Variants in TRIM33 observed in about 807,000 individuals in gnomAD.
The protein encoded by TRIM33 is E3 ubiquitin-protein ligase TRIM33.
In TRIM33, 20 loss-of-function variants were observed where a neutral mutation model predicts 125.4. The ratio of observed to expected loss-of-function variants is 0.16; its 90% CI spans 0.11 to 0.23. The LOEUF (loss-of-function observed/expected upper bound fraction) is 0.23, where lower values mean the gene tolerates loss of function less well. Among genes scored for constraint, TRIM33 ranks in the 10% least tolerant of loss-of-function variants. The pLI is 1.00. For synonymous variants in TRIM33, 564 were observed against 513.9 expected (o/e 1.10, Z -1.32); for missense variants, 920 against 1,411.4 (o/e 0.65, Z 5.58).
chr1:114,449,247 C>T (rs1433639900), intron 4 of TRIM33, among the ~76,000 whole-genome samples: 1 of 152,010 alleles, frequency 6.6e-6, no homozygotes, highest in Non-Finnish European at 1.5e-5. Context: ...TCACCAGTCA[C>T]GACAGTTGCA....
chr1:114,428,755 A>C (rs1394180428), intron 6 of TRIM33, among the ~76,000 whole-genome samples: 2 of 152,380 alleles, frequency 1.3e-5, no homozygotes, highest in East Asian at 3.9e-4. Context: ...TCTACAAAGT[A>C]TAAGAACATA....
chr1:114,452,632 A>T (rs564781476), intron 4 of TRIM33, among the ~76,000 whole-genome samples: 3 of 151,424 alleles, frequency 2.0e-5, no homozygotes, highest in African/African-American at 7.3e-5. Context: ...GCAGTGGCTT[A>T]TAAGTGTAAT....
Position 114,446,175 on chromosome 1 carries a change from T to G in TRIM33, c.924-12442A>C, listed in dbSNP as rs116058604. ...CCAGCTTAAATTGAGGATTTTCATA[T>G]GACAAGAAGATGAGAGTATTCATTG... On this transcript the variant is annotated intron_variant, in intron 4 of 19. Transcript: ENST00000358465. 3.2e-3 allele frequency among the ~76,000 whole-genome samples: 485 copies of G among 152,288 alleles called. 1 individual carries two copies. Among genetic ancestry groups the G allele is most frequent in the African/African-American group, 0.011 (440 of 41,546 alleles).
At chr1:114,456,411 G>C (rs1649626957) in intron 4 of TRIM33, among the ~76,000 whole-genome samples, 1 of 152,142 alleles carries the variant, frequency 6.6e-6, no homozygotes, top group African/African-American at 2.4e-5. Context: ...ATCCTGTGTG[G>C]CCTATGAAAA....
At chr1:114,443,892 G>A (rs1648814249) in intron 4 of TRIM33, among the ~76,000 whole-genome samples, 1 of 151,830 alleles carries the variant, frequency 6.6e-6, no homozygotes, top group African/African-American at 2.4e-5. Flanking sequence ...ATTAATGTAT[G>A]AAGGTGGAAC....
chr1:114,429,282 G>A (rs1299957321), intron 6 of TRIM33, among the ~76,000 whole-genome samples: 1 of 152,016 alleles, frequency 6.6e-6, no homozygotes, highest in Non-Finnish European at 1.5e-5. Flanking sequence ...CCACCTCCCG[G>A]GTTCAAGCAA....
intron 19 of TRIM33, 23 bp from the exon 20 acceptor site, chr1:114,397,883 T>A (rs1233462451): frequency 6.2e-7 from 1 of 1,613,898 alleles, no homozygotes; most frequent in Non-Finnish European, 8.5e-7. Flanking sequence ...GATAGGAATA[T>A]TCACCTATTG....
intron 4 of TRIM33, among the ~76,000 whole-genome samples, chr1:114,460,899 T>G (rs1386820163): frequency 6.6e-6 from 1 of 152,102 alleles, no homozygotes; most frequent in Non-Finnish European, 1.5e-5. Context: ...ATCTTTAAAT[T>G]GTCGTAATTG....
rs1651608177 is a variant in TRIM33 at position 114,397,588 on chromosome 1, T to TC, written c.*59_*60insG. On this transcript the variant is annotated 3_prime_UTR_variant, in exon 20 of 20. Transcript: ENST00000358465. Reference sequence around the variant, plus strand: ...ACTTAAAAGTTTTCTGGGTTTTTTGTGTTTTTTTTTTTTTTTTCGTTTTTT... The same window carrying TC: ...ACTTAAAAGTTTTCTGGGTTTTTTGTCGTTTTTTTTTTTTTTTTCGTTTTTT... The TC allele has an allele frequency of 9.1e-7, 1 of 1,095,136 alleles. No individual in the cohort carries two copies. The allele number at this position is 1,095,136 out of a possible 1,614,324, so 67.8% of individuals were successfully genotyped here.
At chr1:114,447,052 A>G (rs983569626) in intron 4 of TRIM33, among the ~76,000 whole-genome samples, 3 of 152,224 alleles carry the variant, frequency 2.0e-5, no homozygotes, top group Non-Finnish European at 4.4e-5. Context: ...AGCAGATAAA[A>G]TGCGTGTATA....
At chr1:114,463,319 C>A in intron 3 of TRIM33, 83 bp from the exon 4 acceptor site, 1 of 1,548,206 alleles carries the variant, frequency 6.5e-7, no homozygotes, top group Non-Finnish European at 8.7e-7. Context: ...TGTTGCTATC[C>A]AAAGTTTATA....
At chr1:114,399,377 T>C in intron 18 of TRIM33, 80 bp downstream of exon 18, 5 of 1,433,200 alleles carry the variant, frequency 3.5e-6, no homozygotes, top group Non-Finnish European at 4.7e-6. Flanking sequence ...TTTAATAAAA[T>C]TAAAGTCAGC....
At chr1:114,431,474 T>C (rs1454039418) in intron 5 of TRIM33, among the ~76,000 whole-genome samples, 2 of 152,238 alleles carry the variant, frequency 1.3e-5, no homozygotes, top group Non-Finnish European at 2.9e-5. Flanking sequence ...TTTTTAAGAA[T>C]AGCTTTAGAT....
chr1:114,476,595 T>C (rs1650991758), intron 1 of TRIM33, among the ~76,000 whole-genome samples: 1 of 151,896 alleles, frequency 6.6e-6, no homozygotes, highest in Non-Finnish European at 1.5e-5. Flanking sequence ...GAGAAAAAAG[T>C]AAAATCTTTA....
intron 11 of TRIM33, among the ~76,000 whole-genome samples, chr1:114,414,597 C>T (rs1308426128): frequency 6.6e-6 from 1 of 152,168 alleles, no homozygotes; most frequent in Admixed American, 6.5e-5. Flanking sequence ...TTATTGGGTT[C>T]TCCTGGTATA....
At chr1:114,416,140 C>A (rs1652929318) in intron 11 of TRIM33, among the ~76,000 whole-genome samples, 4 of 152,032 alleles carry the variant, frequency 2.6e-5, no homozygotes, top group African/African-American at 9.7e-5. Flanking sequence ...TAATAGTGAT[C>A]CAAGTTTCCA....
At chr1:114,471,617 A>G (rs1167980230) in intron 1 of TRIM33, among the ~76,000 whole-genome samples, 1 of 152,168 alleles carries the variant, frequency 6.6e-6, no homozygotes, top group African/African-American at 2.4e-5. Context: ...ATACAGCAGC[A>G]ACTGCAAAAA....
chr1:114,510,638 G>T lies in TRIM33; in HGVS notation c.439C>A (p.His147Asn). 1 of 1,566,140 alleles carries T rather than the reference G, an allele frequency of 6.4e-7. No homozygotes were observed. Among genetic ancestry groups the T allele is most frequent in the East Asian group, 2.3e-5 (1 of 42,718 alleles). Residue 147 changes from histidine to asparagine, a missense_variant, in exon 1 of 20, where the codon CAC becomes AAC. Around this residue, in one of 8 missense-constraint regions of TRIM33, gnomAD observed 75 missense variants for 123.9 expected, o/e 0.61. Transcript: ENST00000358465. ...GGCAGGCAGCGCAGGCAGAAGGAGT[G>T]AAGACAGGGCAGCAGCTTGGGCTCC... ...EAEPKLLPCL[H>N]SFCLRCLPEP...
intron 1 of TRIM33, among the ~76,000 whole-genome samples, chr1:114,505,056 T>C (rs1652915639): frequency 6.6e-6 from 1 of 152,204 alleles, no homozygotes; most frequent in Admixed American, 6.5e-5. Flanking sequence ...TTAACTCTCT[T>C]AATTCTCACA....
Sources: allele counts gnomAD v4.1 joint callset (sites outside exome capture counted in the v4.1 genomes callset), GRCh38; gene constraint gnomAD v4.1.1; regional missense constraint gnomAD v4.1.1; transcripts MANE v1.5; gene names NCBI Gene and HGNC (gene_info 2026-07-23, HGNC 2026-07-21).